The following NEBL variants were observed in gnomAD, a reference collection of about 807,000 sequenced individuals.
NEBL encodes nebulette.
A neutral mutation model predicts 140.2 loss-of-function variants in NEBL; 122 were observed. That is an observed-to-expected ratio of 0.87 (90% confidence interval 0.75 to 1.01). The LOEUF (loss-of-function observed/expected upper bound fraction) is 1.01. NEBL is among the 50% of genes least tolerant of loss of function. The probability of loss-of-function intolerance (pLI) is 0.00; values close to 1 mark genes in which losing one functional copy is unlikely to be tolerated. For synonymous variants in NEBL, 436 were observed against 398.9 expected (o/e 1.09, Z -1.11); for missense variants, 1,365 against 1,231.3 (o/e 1.11, Z -1.62).
chr10:20,972,127 C>T (rs116683576), intron 3 of NEBL, among the ~76,000 whole-genome samples: 2,329 of 152,264 alleles, frequency 0.015, 62 homozygotes, highest in African/African-American at 0.053. Flanking sequence ...CTTAAAGAAA[C>T]AGGATAAACC....
chr10:21,146,536 GA>G lies in NEBL; in HGVS notation c.164+25846del, dbSNP rs756329706. ...TACTCCTGCATTATCAGAAAATGGT[GA>G]AAATGGTGCTGTGTTTGGGCATTGT... On this transcript the variant is annotated intron_variant, in intron 2 of 6. Coordinates refer to the NEBL transcript ENST00000417816. The G allele has an allele frequency of 3.7e-5, 58 of 1,578,758 alleles. No homozygotes were observed. In the South Asian group the frequency reaches 6.4e-4, roughly 17 times the overall value.
At chr10:21,188,264 A>G (rs1313229595) in intron 3 of NEBL, among the ~76,000 whole-genome samples, 1 of 152,274 alleles carries the variant, frequency 6.6e-6, no homozygotes, top group East Asian at 1.9e-4. Context: ...AGCTCCCTAC[A>G]TGCCCAATCA....
At chr10:21,017,365 T>C (rs1408561023) in intron 3 of NEBL, among the ~76,000 whole-genome samples, 1 of 152,208 alleles carries the variant, frequency 6.6e-6, no homozygotes, top group Non-Finnish European at 1.5e-5. Flanking sequence ...TGTTGTCTGC[T>C]TGATGGAGCC....
At chr10:21,118,635 CTAT>C (rs1838387102) in intron 2 of NEBL, among the ~76,000 whole-genome samples, 1 of 151,582 alleles carries the variant, frequency 6.6e-6, no homozygotes, top group African/African-American at 2.4e-5. Flanking sequence ...AAAAAAAAAA[CTAT>C]TATTTGTTAG....
intron 7 of NEBL, among the ~76,000 whole-genome samples, chr10:20,867,272 T>C (rs1470048894): frequency 6.6e-6 from 1 of 152,138 alleles, no homozygotes; most frequent in African/African-American, 2.4e-5. Flanking sequence ...GGATGTTTAG[T>C]ATCAAGGCTC....
chr10:20,916,131 A>G (rs906562227), intron 4 of NEBL, among the ~76,000 whole-genome samples: 2 of 152,166 alleles, frequency 1.3e-5, no homozygotes, highest in African/African-American at 2.4e-5. Flanking sequence ...TCAGTCATCT[A>G]GTTCAACTAG....
chr10:21,253,086 AC>A (rs1447312119), intron 1 of NEBL, among the ~76,000 whole-genome samples: 1 of 152,002 alleles, frequency 6.6e-6, no homozygotes, highest in African/African-American at 2.4e-5. Context: ...GCATGGAGAA[AC>A]CCCATCTCTA....
intron 4 of NEBL, among the ~76,000 whole-genome samples, chr10:20,912,217 T>C (rs910043995): frequency 6.6e-6 from 1 of 152,240 alleles, no homozygotes; most frequent in Admixed American, 6.5e-5. Flanking sequence ...TTCCGTTGTA[T>C]TACCATGTCT....
chr10:20,818,850 G>C (rs181938557), intron 20 of NEBL: 16 of 990,548 alleles, frequency 1.6e-5, no homozygotes, highest in Non-Finnish European at 1.1e-5. Context: ...ACAAGGAAAT[G>C]TGAAAAGGAA....
intron 2 of NEBL, among the ~76,000 whole-genome samples, chr10:21,144,651 G>A (rs533299253): frequency 1.3e-5 from 2 of 152,008 alleles, no homozygotes; most frequent in Non-Finnish European, 2.9e-5. Flanking sequence ...ACTTGAACCC[G>A]GGGAGTTGGA....
At chr10:21,202,054 T>A (rs11594749) in intron 3 of NEBL, among the ~76,000 whole-genome samples, 28,953 of 151,986 alleles carry the variant, frequency 0.19, 4,005 homozygotes, top group African/African-American at 0.39. Flanking sequence ...CATCTGTCTC[T>A]GCATCTTGAT....
chr10:20,851,751 C>T (rs1842556309), intron 10 of NEBL, among the ~76,000 whole-genome samples: 1 of 152,060 alleles, frequency 6.6e-6, no homozygotes, highest in South Asian at 2.1e-4. Context: ...CGCCATTGCA[C>T]TCCAGCCAGG....
chr10:21,175,329 C>A (rs1424961840), upstream of NEBL, among the ~76,000 whole-genome samples: 1 of 152,172 alleles, frequency 6.6e-6, no homozygotes, highest in Non-Finnish European at 1.5e-5. Flanking sequence ...TCAGCAGTTC[C>A]GAACTGCTTC....
intron 1 of NEBL, among the ~76,000 whole-genome samples, chr10:21,274,417 G>C (rs1842894544): frequency 6.6e-6 from 1 of 152,082 alleles, no homozygotes; most frequent in African/African-American, 2.4e-5. Flanking sequence ...GTTTTATTTA[G>C]TTAGTTAGTA....
At chr10:21,030,066 A>G (rs1045118019) in intron 2 of NEBL, 23 of 479,888 alleles carry the variant, frequency 4.8e-5, no homozygotes, top group Non-Finnish European at 8.4e-5. Context: ...AGTACCTCCC[A>G]GTCCGGTCGA....
chr10:21,282,519 A>G (rs1252300174), intron 1 of NEBL, among the ~76,000 whole-genome samples: 1 of 152,206 alleles, frequency 6.6e-6, no homozygotes, highest in Non-Finnish European at 1.5e-5. Flanking sequence ...CAGGGGGGAA[A>G]AAAAAGAAGA....
intron 2 of NEBL, among the ~76,000 whole-genome samples, chr10:21,105,389 A>G (rs1284653985): frequency 6.6e-6 from 1 of 150,712 alleles, no homozygotes; most frequent in African/African-American, 2.5e-5. Context: ...CCCTGGGTCC[A>G]TGTGTTCTCA....
At chr10:21,146,517 T>A (rs1324540246) in intron 2 of NEBL, 4 of 1,602,962 alleles carry the variant, frequency 2.5e-6, no homozygotes, top group Non-Finnish European at 3.4e-6. Flanking sequence ...ATCCTACTCC[T>A]GCATTATCAG....
At chr10:21,263,304 G>A (rs763506000) in intron 1 of NEBL, among the ~76,000 whole-genome samples, 2 of 152,234 alleles carry the variant, frequency 1.3e-5, no homozygotes, top group South Asian at 2.1e-4. Context: ...ATTAAGAAGA[G>A]CCAGCAAATT....
Sources: allele counts gnomAD v4.1 joint callset (sites outside exome capture counted in the v4.1 genomes callset), GRCh38; gene constraint gnomAD v4.1.1; transcripts MANE v1.5; gene names NCBI Gene and HGNC (gene_info 2026-07-23, HGNC 2026-07-21).